NKAIN2: variants seen among roughly 807,000 people sequenced by gnomAD.
The protein encoded by NKAIN2 is sodium/potassium-transporting ATPase subunit beta-1-interacting protein 2.
In NKAIN2, 14 loss-of-function variants were observed where a neutral mutation model predicts 32.6. The ratio of observed to expected loss-of-function variants is 0.43; its 90% confidence interval spans 0.28 to 0.67. The LOEUF (loss-of-function observed/expected upper bound fraction) is 0.67. NKAIN2 is among the 30% of genes least tolerant of loss of function. NKAIN2 has a pLI of 0.17. For synonymous variants in NKAIN2, 80 were observed against 87.2 expected (o/e 0.92, Z 0.46); for missense variants, 198 against 258.3 (o/e 0.77, Z 1.60).
intron 4 of NKAIN2, among the ~76,000 whole-genome samples, chr6:124,661,803 A>G (rs914476552): frequency 1.3e-5 from 2 of 152,230 alleles, no homozygotes; most frequent in African/African-American, 4.8e-5. Flanking sequence ...CACATTTTCA[A>G]AATAGATAAA....
chr6:124,352,930 A>G (rs888843475), intron 2 of NKAIN2, among the ~76,000 whole-genome samples: 3 of 152,118 alleles, frequency 2.0e-5, no homozygotes, highest in African/African-American at 2.4e-5. Context: ...ATTATACTCT[A>G]TTGAGCAACG....
chr6:123,879,354 A>G (rs1773336740), intron 1 of NKAIN2, among the ~76,000 whole-genome samples: 1 of 152,248 alleles, frequency 6.6e-6, no homozygotes, highest in South Asian at 2.1e-4. Flanking sequence ...TCCATAATGC[A>G]GAATTTCATA....
intron 1 of NKAIN2, among the ~76,000 whole-genome samples, chr6:124,221,277 A>G (rs901236308): frequency 2.0e-5 from 3 of 151,934 alleles, no homozygotes; most frequent in African/African-American, 7.3e-5. Flanking sequence ...GAAATTGGAA[A>G]TCATCATTCT....
At chr6:123,979,762 T>TTTAA (rs1177813992) in intron 1 of NKAIN2, among the ~76,000 whole-genome samples, 2 of 152,200 alleles carry the variant, frequency 1.3e-5, no homozygotes, top group Non-Finnish European at 2.9e-5. Context: ...AGGAATGAAG[T>TTTAA]TTAAGTTCTC....
chr6:123,943,819 G>A (rs1776938978), intron 1 of NKAIN2, among the ~76,000 whole-genome samples: 1 of 151,978 alleles, frequency 6.6e-6, no homozygotes, highest in Admixed American at 6.6e-5. Flanking sequence ...TTTTATAAGG[G>A]TCAGAACACT....
chr6:124,028,839 A>G (rs1346873339), intron 1 of NKAIN2, among the ~76,000 whole-genome samples: 3 of 141,182 alleles, frequency 2.1e-5, no homozygotes, highest in East Asian at 2.0e-4. Context: ...ATACATATAT[A>G]TGTATATATG....
At chr6:124,313,834 G>T (rs984116841) in intron 2 of NKAIN2, among the ~76,000 whole-genome samples, 5 of 152,114 alleles carry the variant, frequency 3.3e-5, no homozygotes, top group Admixed American at 2.6e-4. Context: ...ATCTACCCTA[G>T]CTCGGTGTCT....
At chr6:124,719,823 T>C (rs1479339267) in intron 4 of NKAIN2, among the ~76,000 whole-genome samples, 1 of 152,080 alleles carries the variant, frequency 6.6e-6, no homozygotes, top group Non-Finnish European at 1.5e-5. Flanking sequence ...TTTTCTCCTA[T>C]GGTTCATTCA....
chr6:124,740,474 G>GTGTGTGTGTGT, intron 4 of NKAIN2, among the ~76,000 whole-genome samples: 1 of 148,096 alleles, frequency 6.8e-6, no homozygotes, highest in Non-Finnish European at 1.5e-5. Flanking sequence ...GTGTGTGTGT[G>GTGTGTGTGTGT]GTGATAGGTG....
intron 1 of NKAIN2, among the ~76,000 whole-genome samples, chr6:124,084,275 G>T (rs779094457): frequency 9.9e-5 from 15 of 151,934 alleles, no homozygotes; most frequent in Non-Finnish European, 1.9e-4. Flanking sequence ...GTCAATGATG[G>T]ACTGCAGATA....
chr6:124,074,002 C>T lies in NKAIN2; in HGVS notation c.55-209003C>T, dbSNP rs545149095. ...ACATAGGATTCAGCATTTAATTGTA[C>T]TCACAGTTTCATGGCTATGATTTAT... On this transcript the variant is annotated intron_variant, in intron 1 of 6. Transcript: ENST00000368417. Among the ~76,000 whole-genome samples the T allele has an allele frequency of 3.9e-4, 60 of 152,298 alleles. 1 individual carries two copies. Among genetic ancestry groups the T allele is most frequent in the African/African-American group, 1.4e-3 (59 of 41,564 alleles).
intron 1 of NKAIN2, among the ~76,000 whole-genome samples, chr6:123,988,399 G>A (rs1295930488): frequency 6.6e-6 from 1 of 152,158 alleles, no homozygotes; most frequent in Non-Finnish European, 1.5e-5. Flanking sequence ...ATTGGGGGAA[G>A]TTGTGTTGTT....
chr6:124,028,455 T>G (rs1308932091), intron 1 of NKAIN2, among the ~76,000 whole-genome samples: 1 of 151,036 alleles, frequency 6.6e-6, no homozygotes, highest in East Asian at 2.0e-4. Flanking sequence ...GACGAGTTAA[T>G]GGGTGCAGCA....
chr6:124,235,541 A>G (rs1792703082), intron 1 of NKAIN2, among the ~76,000 whole-genome samples: 1 of 151,508 alleles, frequency 6.6e-6, no homozygotes, highest in Non-Finnish European at 1.5e-5. Flanking sequence ...GAAAATATAT[A>G]TTTTTGATGG....
chr6:124,499,014 G>A (rs370078238), intron 3 of NKAIN2, among the ~76,000 whole-genome samples: 416 of 151,916 alleles, frequency 2.7e-3, no homozygotes, highest in Non-Finnish European at 4.2e-3. Flanking sequence ...GTGATCTGCC[G>A]GCCGTGGCCT....
chr6:124,766,524 T>G (rs999805136), intron 4 of NKAIN2, among the ~76,000 whole-genome samples: 5 of 152,200 alleles, frequency 3.3e-5, no homozygotes, highest in Non-Finnish European at 5.9e-5. Flanking sequence ...CATTCCTTTA[T>G]GTTTCCGATG....
chr6:124,748,498 C>T (rs1777557167), intron 4 of NKAIN2, among the ~76,000 whole-genome samples: 1 of 151,980 alleles, frequency 6.6e-6, no homozygotes, highest in Non-Finnish European at 1.5e-5. Context: ...TAACTGCCAC[C>T]TGCTTGTCCC....
At chr6:124,625,513 G>T (rs1783285474) in intron 3 of NKAIN2, among the ~76,000 whole-genome samples, 1 of 152,064 alleles carries the variant, frequency 6.6e-6, no homozygotes, top group Non-Finnish European at 1.5e-5. Flanking sequence ...TGCTTAAAAT[G>T]AGAGCAGGTG....
chr6:124,061,517 T>C (rs1782916521), intron 1 of NKAIN2, among the ~76,000 whole-genome samples: 1 of 152,160 alleles, frequency 6.6e-6, no homozygotes. Flanking sequence ...GAAACTTTCT[T>C]ACACTATGAG....
Sources: gnomAD v4.1 joint callset for allele counts (sites outside exome capture counted in the v4.1 genomes callset) on GRCh38, gnomAD v4.1.1 for gene constraint, MANE v1.5 for transcripts, NCBI Gene and HGNC (gene_info 2026-07-23, HGNC 2026-07-21) for gene names.